Variants in GMDS observed in about 807,000 individuals in gnomAD.
GMDS encodes GDP-mannose 4,6-dehydratase.
In GMDS, 20 loss-of-function variants were observed where a neutral mutation model predicts 49.9. That is an observed-to-expected ratio of 0.40 (90% CI 0.28 to 0.58). GMDS has a LOEUF of 0.58. GMDS is among the 20% of genes least tolerant of loss of function. GMDS has a pLI of 0.42. For missense variants in GMDS, 362 were observed against 481.4 expected, an observed-to-expected ratio of 0.75 and a Z score of 2.32; for synonymous variants, 177 against 178.6, an observed-to-expected ratio of 0.99 and a Z score of 0.07.
At chr6:2,114,379 C>T (rs1363017797) in intron 4 of GMDS, among the ~76,000 whole-genome samples, 5 of 152,014 alleles carry the variant, frequency 3.3e-5, no homozygotes, top group African/African-American at 1.2e-4. Context: ...CTGACTACCT[C>T]AATTAGGGAA....
chr6:1,787,030 C>A (rs1289396007), intron 7 of GMDS, among the ~76,000 whole-genome samples: 1 of 152,212 alleles, frequency 6.6e-6, no homozygotes, highest in African/African-American at 2.4e-5. Flanking sequence ...ACTCATGACT[C>A]TCCAGACTCA....
intron 1 of GMDS, among the ~76,000 whole-genome samples, chr6:2,234,251 C>T (rs896445896): frequency 1.3e-5 from 2 of 152,100 alleles, no homozygotes; most frequent in African/African-American, 2.4e-5. Context: ...GAGGCTTCAC[C>T]AAGAACAAGC....
intron 9 of GMDS, among the ~76,000 whole-genome samples, chr6:1,715,536 C>G (rs565855703): frequency 2.0e-5 from 3 of 152,314 alleles, no homozygotes; most frequent in African/African-American, 7.2e-5. Flanking sequence ...TGCTGACTGC[C>G]TGGGGGAACA....
chr6:1,639,844 C>T (rs1415504007), intron 9 of GMDS, among the ~76,000 whole-genome samples: 1 of 152,304 alleles, frequency 6.6e-6, no homozygotes, highest in East Asian at 1.9e-4. Context: ...TACCACTGCA[C>T]TCCAGCCTGG....
At chr6:1,694,665 T>A (rs779167820) in intron 9 of GMDS, among the ~76,000 whole-genome samples, 1 of 152,218 alleles carries the variant, frequency 6.6e-6, no homozygotes, top group Non-Finnish European at 1.5e-5. Context: ...TTTAGTAGCA[T>A]AGCAAGAGGT....
intron 9 of GMDS, among the ~76,000 whole-genome samples, chr6:1,693,581 T>TTTG (rs963397925): frequency 1.5e-4 from 23 of 152,140 alleles, no homozygotes; most frequent in Non-Finnish European, 2.9e-4. Context: ...TCCATATATT[T>TTTG]TTGTTGTTGT....
intron 7 of GMDS, among the ~76,000 whole-genome samples, chr6:1,915,664 A>G (rs888597424): frequency 2.0e-5 from 3 of 152,244 alleles, no homozygotes; most frequent in Non-Finnish European, 4.4e-5. Context: ...TGCAGGGTAC[A>G]GCCAGCACAA....
intron 4 of GMDS, among the ~76,000 whole-genome samples, chr6:1,998,147 A>G (rs1306155783): frequency 1.3e-5 from 2 of 152,216 alleles, no homozygotes; most frequent in African/African-American, 4.8e-5. Context: ...AATGTAAAGG[A>G]AAAATAATGA....
chr6:2,118,825 G>C (rs180924113), intron 2 of GMDS, among the ~76,000 whole-genome samples: 119 of 152,292 alleles, frequency 7.8e-4, no homozygotes, highest in Non-Finnish European at 1.4e-3. Context: ...GCATTAAATT[G>C]AGATTTGGCT....
intron 6 of GMDS, among the ~76,000 whole-genome samples, chr6:1,932,054 C>T (rs182926593): frequency 1.3e-4 from 20 of 152,176 alleles, no homozygotes; most frequent in South Asian, 4.2e-4. Flanking sequence ...GGCTGCCAGG[C>T]GCAACGCACG....
At chr6:1,718,982 T>C (rs959401234) in intron 9 of GMDS, among the ~76,000 whole-genome samples, 2 of 152,088 alleles carry the variant, frequency 1.3e-5, no homozygotes, top group Non-Finnish European at 2.9e-5. Context: ...CAGGTTTTCA[T>C]GGGGGCAAGG....
chr6:1,857,094 C>G (rs1398805084), intron 7 of GMDS, among the ~76,000 whole-genome samples: 1 of 152,184 alleles, frequency 6.6e-6, no homozygotes, highest in Non-Finnish European at 1.5e-5. Context: ...ACTTGCCATT[C>G]GAATCTGTCA....
chr6:1,649,419 T>C (rs1224571275), intron 9 of GMDS, among the ~76,000 whole-genome samples: 1 of 152,242 alleles, frequency 6.6e-6, no homozygotes, highest in Non-Finnish European at 1.5e-5. Flanking sequence ...ATTTAACTCA[T>C]GATACTTATG....
chr6:2,136,698 T>C (rs920577139), intron 1 of GMDS, among the ~76,000 whole-genome samples: 2 of 152,066 alleles, frequency 1.3e-5, no homozygotes, highest in Non-Finnish European at 2.9e-5. Flanking sequence ...TCAACCTGGG[T>C]GACAGAATGA....
chr6:1,845,375 A>G (rs1416631061), intron 7 of GMDS, among the ~76,000 whole-genome samples: 2 of 152,356 alleles, frequency 1.3e-5, no homozygotes, highest in African/African-American at 4.8e-5. Flanking sequence ...TGTACCATTT[A>G]TCAGTGATGA....
intron 4 of GMDS, among the ~76,000 whole-genome samples, chr6:1,972,941 CCATACACTT>C (rs901223552): frequency 6.6e-6 from 1 of 152,124 alleles, no homozygotes; most frequent in Non-Finnish European, 1.5e-5. Context: ...CTGAGAATAT[CCATACACTT>C]CACCAGATTG....
At chr6:1,779,306 G>A (rs191603553) in intron 7 of GMDS, among the ~76,000 whole-genome samples, 10 of 152,214 alleles carry the variant, frequency 6.6e-5, no homozygotes, top group East Asian at 5.8e-4. Context: ...CCTCCTGGCC[G>A]GGGGAAGTAT....
intron 9 of GMDS, among the ~76,000 whole-genome samples, chr6:1,724,557 G>A (rs7763069): frequency 5.9e-5 from 9 of 151,946 alleles, no homozygotes; most frequent in Non-Finnish European, 1.0e-4. Flanking sequence ...CCACATTTAA[G>A]TTGTAAAAAT....
intron 7 of GMDS, among the ~76,000 whole-genome samples, chr6:1,750,193 TCTTAA>T (rs1561779864): frequency 6.6e-6 from 1 of 152,212 alleles, no homozygotes. Flanking sequence ...AGAAGTTTCC[TCTTAA>T]CTTTATTATT....
Sources: gnomAD v4.1 joint callset for allele counts (sites outside exome capture counted in the v4.1 genomes callset) on GRCh38, gnomAD v4.1.1 for gene constraint, MANE v1.5 for transcripts, NCBI Gene and HGNC (gene_info 2026-07-23, HGNC 2026-07-21) for gene names.